The following DTL variants were observed in gnomAD, a reference collection of about 807,000 sequenced individuals.
The protein encoded by DTL is denticleless protein homolog.
DTL carries 46 observed loss-of-function variants against 87.0 expected under a neutral mutation model. That is an observed-to-expected ratio of 0.53 (90% CI 0.42 to 0.68). The LOEUF is 0.68. Among genes scored for constraint, DTL ranks in the 30% least tolerant of loss-of-function variants. DTL has a pLI of 0.00. For synonymous variants in DTL, 308 were observed against 311.2 expected, an observed-to-expected ratio of 0.99 and a Z score of 0.11; for missense variants, 737 against 869.4, an observed-to-expected ratio of 0.85 and a Z score of 1.91.
In DTL at chr1:212,043,064, T is replaced by A; in HGVS notation, c.124T>A (p.Ser42Thr). 6.2e-7 allele frequency: 1 copy of A among 1,613,448 alleles called. No individual in the cohort carries two copies. ...YQCSGNDEHTSYGETGVPVPP... is the reference protein window; with the variant it reads ...YQCSGNDEHTTYGETGVPVPP... ...GTGCAGTGGTAATGATGAACACACT[T>A]CTTATGGAGAAACAGGAGTCCCAGT... Residue 42 changes from serine to threonine, a missense_variant, in exon 2 of 15, where the codon TCT (serine) becomes ACT (threonine). Transcript: ENST00000366991.
intron 11 of DTL, among the ~76,000 whole-genome samples, chr1:212,076,513 G>GT (rs1440805072): frequency 6.6e-6 from 1 of 151,306 alleles, no homozygotes; most frequent in African/African-American, 2.4e-5. Context: ...GTTCTCCTAG[G>GT]TATTATAATA....
intron 1 of DTL, among the ~76,000 whole-genome samples, chr1:212,037,117 CTGTCTT>C (rs1667498137): frequency 6.6e-6 from 1 of 152,222 alleles, no homozygotes. Flanking sequence ...GCTAAGAACT[CTGTCTT>C]TGAAGTTAAA....
In DTL at chr1:212,051,338, A is replaced by G. The variant is rs116618822; in HGVS notation, c.460+3921A>G. On this transcript the variant is annotated intron_variant, in intron 5 of 14. Transcript: ENST00000366991. ...TTGAACAACGTATTTAACTTTTCTTATAGTGTGAGTCTGATGGTAATAATT... is the reference window on the plus strand; with the variant it reads ...TTGAACAACGTATTTAACTTTTCTTGTAGTGTGAGTCTGATGGTAATAATT... Among the ~76,000 whole-genome samples the G allele has an allele frequency of 5.3e-3, 784 of 148,666 alleles. 10 individuals carry two copies. Among genetic ancestry groups the G allele is most frequent in the African/African-American group, 0.019 (759 of 40,358 alleles).
chr1:212,057,854 C>T (rs1668226577), intron 5 of DTL, among the ~76,000 whole-genome samples: 1 of 151,914 alleles, frequency 6.6e-6, no homozygotes, highest in Admixed American at 6.6e-5. Context: ...CCTGTGAAGA[C>T]AAGTATAAAC....
chr1:212,073,517 TA>T (rs1226427703), intron 11 of DTL, among the ~76,000 whole-genome samples: 1 of 152,162 alleles, frequency 6.6e-6, no homozygotes, highest in African/African-American at 2.4e-5. Flanking sequence ...AGGACAGGGG[TA>T]AAACCTGTTT....
In DTL at chr1:212,104,080, C is replaced by T. The variant is rs1166861739; in HGVS notation, c.*1140C>T. 2 of 152,122 alleles carry T rather than the reference C, an allele frequency of 1.3e-5. No individual in the cohort carries two copies. The highest frequency in any genetic ancestry group is 1.9e-4 in the East Asian group (1 of 5,200). 9.4% of individuals were successfully genotyped at this position (152,122 alleles called of 1,614,324 possible). A position where few individuals can be genotyped will look rare whatever the true frequency, so the allele number is the denominator to read the frequency against. On this transcript the variant is annotated 3_prime_UTR_variant, in exon 15 of 15. Transcript: ENST00000366991. Reference sequence around the variant, plus strand: ...GTGCAAAATATCTTAAACATCCCTCCCCTTATTCAACAATTATGTATCAGT... The same window carrying T: ...GTGCAAAATATCTTAAACATCCCTCTCCTTATTCAACAATTATGTATCAGT...
intron 13 of DTL, among the ~76,000 whole-genome samples, chr1:212,088,017 G>A (rs1655180669): frequency 6.6e-6 from 1 of 152,178 alleles, no homozygotes; most frequent in African/African-American, 2.4e-5. Flanking sequence ...TCATAGCACT[G>A]TTGAAACCAA....
intron 7 of DTL, 24 bp from the exon 8 acceptor site, chr1:212,066,788 C>T: frequency 5.6e-6 from 9 of 1,607,952 alleles, no homozygotes; most frequent in Non-Finnish European, 7.7e-6. Context: ...AAGATAGAAT[C>T]TTCTTCTTTT....
Position 212,044,761 on chromosome 1 carries a change from A to G in DTL, c.277+3A>G, listed in dbSNP as rs370706990. 1 of 1,590,406 alleles carries G rather than the reference A, an allele frequency of 6.3e-7. No homozygotes were observed. Among genetic ancestry groups the G allele is most frequent in the East Asian group, 2.2e-5 (1 of 44,760 alleles). On this transcript the variant is annotated splice_donor_region_variant and intron_variant, in intron 3 of 14. Coordinates refer to ENST00000366991, the MANE Select transcript of DTL (RefSeq NM_016448.4). ...TTTCAGAAAGAAGTGCTTCAAAGGTAAGTCTAGGTCTACAATTTTTGTTTT... is the reference window on the plus strand; with the variant it reads ...TTTCAGAAAGAAGTGCTTCAAAGGTGAGTCTAGGTCTACAATTTTTGTTTT...
At chr1:212,075,115 G>A (rs148774244) in intron 11 of DTL, among the ~76,000 whole-genome samples, 4 of 152,290 alleles carry the variant, frequency 2.6e-5, no homozygotes, top group African/African-American at 9.6e-5. Flanking sequence ...TTTAGGAAGT[G>A]TAAATGATCT....
intron 5 of DTL, among the ~76,000 whole-genome samples, chr1:212,053,294 G>A (rs1305032244): frequency 1.3e-5 from 2 of 151,842 alleles, no homozygotes; most frequent in Admixed American, 6.6e-5. Flanking sequence ...TTAAGACAGG[G>A]TCTGGCACTG....
intron 13 of DTL, among the ~76,000 whole-genome samples, chr1:212,085,367 T>G (rs1338893219): frequency 6.6e-6 from 1 of 152,226 alleles, no homozygotes. Flanking sequence ...TGTCCCATTG[T>G]GGTTTTGATT....
chr1:212,100,342 C>T lies in DTL; in HGVS notation c.1352C>T (p.Ala451Val), dbSNP rs1331956173. Residue 451 changes from alanine to valine, a missense_variant, in exon 14 of 15, where the codon GCC becomes GTC. Coordinates refer to ENST00000366991, the MANE Select transcript of DTL (RefSeq NM_016448.4). The stretch of plus-strand genomic sequence containing the variant: ...TCTTCCCCGTCATCCGCAGCTTGTG[C>T]CCCAAGCTGTGCTGGAGACCTCCCT... ...SNSSPSSAACAPSCAGDLPLP... is the reference protein window; with the variant it reads ...SNSSPSSAACVPSCAGDLPLP... 3.7e-6 allele frequency: 6 copies of T among 1,613,646 alleles called. No homozygotes were observed. Among genetic ancestry groups the T allele is most frequent in the Admixed American group, 3.3e-5 (2 of 59,956 alleles).
intron 5 of DTL, among the ~76,000 whole-genome samples, chr1:212,061,956 C>G (rs1654340996): frequency 6.6e-6 from 1 of 152,122 alleles, no homozygotes; most frequent in Non-Finnish European, 1.5e-5. Context: ...ACTATTGTCA[C>G]CTTACAAATT....
intron 3 of DTL, 76 bp from the exon 4 acceptor site, chr1:212,047,075 G>A: frequency 2.3e-6 from 3 of 1,322,082 alleles, no homozygotes; most frequent in Non-Finnish European, 3.2e-6. Flanking sequence ...AGCTTTCCAG[G>A]CATTTAAAGT....
At position 212,047,421 on chromosome 1, in the gene DTL, G is replaced by A. The variant is rs900327573; in HGVS notation, c.460+4G>A. ...GCCTTTTCTAAGTTTGAGAAAGGTA[G>A]GTTTGTGCTTATCTTCTTTCATCTC... On this transcript the variant is annotated splice_donor_region_variant and intron_variant, in intron 5 of 14. Transcript: ENST00000366991. The A allele has an allele frequency of 1.7e-5, 27 of 1,614,018 alleles. No individual in the cohort carries two copies. Among genetic ancestry groups the A allele is most frequent in the African/African-American group, 1.1e-4 (8 of 74,912 alleles).
intron 9 of DTL, 45 bp downstream of exon 9, chr1:212,068,372 T>TTAAAA: frequency 1.1e-6 from 1 of 952,316 alleles, no homozygotes; most frequent in Non-Finnish European, 1.5e-6. Context: ...AGTTTTTGTT[T>TTAAAA]AAAAAAAAAA....
At position 212,104,436 on chromosome 1, in the gene DTL, G is replaced by A. The variant is rs1239754801; in HGVS notation, c.*1496G>A. The A allele has an allele frequency of 6.6e-6, 1 of 152,130 alleles. No individual in the cohort carries two copies. Among genetic ancestry groups the A allele is most frequent in the Non-Finnish European group, 1.5e-5 (1 of 68,022 alleles). The allele number at this position is 152,130 out of a possible 1,614,324, so 9.4% of individuals were successfully genotyped here. ...TCTGGTCAAAACCAAGCACACCATA[G>A]CCTTAACTGAATATTTAGGAAATCT... is the stretch of plus-strand genomic sequence containing the variant. On this transcript the variant is annotated 3_prime_UTR_variant, in exon 15 of 15. Transcript: ENST00000366991.
intron 1 of DTL, among the ~76,000 whole-genome samples, chr1:212,036,661 T>C (rs913772911): frequency 6.6e-6 from 1 of 152,230 alleles, no homozygotes; most frequent in Non-Finnish European, 1.5e-5. Context: ...TGTTAATACG[T>C]AGAAATCTAA....
Sources: gnomAD v4.1 joint callset for allele counts (sites outside exome capture counted in the v4.1 genomes callset) on GRCh38, gnomAD v4.1.1 for gene constraint, MANE v1.5 for transcripts, NCBI Gene and HGNC (gene_info 2026-07-23, HGNC 2026-07-21) for gene names.